FARS2: variants seen among roughly 807,000 people sequenced by gnomAD.
The protein encoded by FARS2 is phenylalanyl-tRNA synthetase 2, mitochondrial.
Under a neutral mutation model 46.4 loss-of-function variants are expected in FARS2, and 40 were observed. That is an observed-to-expected ratio of 0.86 (90% CI 0.67 to 1.12). FARS2 has a LOEUF of 1.12. Ranked by LOEUF, FARS2 falls within the 50% of genes most tolerant of loss-of-function variation. The pLI, the probability that FARS2 is intolerant of heterozygous loss-of-function variation, is 0.00. For synonymous variants in FARS2, 234 were observed against 214.9 expected (o/e 1.09, Z -0.78); for missense variants, 513 against 567.9 (o/e 0.90, Z 0.98).
chr6:5,581,520 G>A (rs1311788267), intron 5 of FARS2, among the ~76,000 whole-genome samples: 1 of 152,234 alleles, frequency 6.6e-6, no homozygotes, highest in Non-Finnish European at 1.5e-5. Context: ...TTCCAGCCAG[G>A]TGTGTGCCAG....
At position 5,672,721 on chromosome 6, in the gene FARS2, C is replaced by T. The variant is rs151198506; in HGVS notation, c.1217+59401C>T. ...ATTGTAGCTGAGTCACTGCTTGGTG[C>T]GATCTAGGGCTAGGCTGCAACTGGA... On this transcript the variant is annotated intron_variant, in intron 6 of 6. Coordinates refer to ENST00000274680, the MANE Select transcript of FARS2 (RefSeq NM_006567.5). Among the ~76,000 whole-genome samples the T allele has an allele frequency of 4.9e-4, 74 of 152,250 alleles. 1 individual carries two copies. The highest frequency in any genetic ancestry group is 3.4e-3 in the Middle Eastern group (1 of 294).
At chr6:5,535,913 A>T (rs974314148) in intron 4 of FARS2, among the ~76,000 whole-genome samples, 1 of 152,084 alleles carries the variant, frequency 6.6e-6, no homozygotes, top group African/African-American at 2.4e-5. Flanking sequence ...GATCCTTTTA[A>T]TGTGCTACTA....
intron 4 of FARS2, among the ~76,000 whole-genome samples, chr6:5,526,702 C>T (rs1769484629): frequency 6.6e-6 from 1 of 152,030 alleles, no homozygotes; most frequent in African/African-American, 2.4e-5. Flanking sequence ...CTGCAACCTC[C>T]ACCTCCTAGG....
intron 4 of FARS2, among the ~76,000 whole-genome samples, chr6:5,437,551 G>T (rs1282423252): frequency 6.6e-6 from 1 of 152,058 alleles, no homozygotes; most frequent in African/African-American, 2.4e-5. Context: ...TATTTTCATA[G>T]TAGTTATGTT....
In FARS2 at chr6:5,368,542, C is replaced by T; in HGVS notation, c.-21-8C>T. ...CTGACTTGTGCTTTGCCTGTGTGCT[C>T]TTTCCAGAACCTGTGAGAAGTTTCT... is the stretch of plus-strand genomic sequence containing the variant. On this transcript the variant is annotated splice_region_variant and splice_polypyrimidine_tract_variant and intron_variant, in intron 1 of 6. Transcript: ENST00000274680. 1 of 1,575,978 alleles carries T rather than the reference C, an allele frequency of 6.3e-7. No individual in the cohort carries two copies. The highest frequency in any genetic ancestry group is 1.3e-5 in the African/African-American group (1 of 74,246).
At chr6:5,717,931 T>TAGAGAGAGAGAG (rs1175182131) in intron 6 of FARS2, among the ~76,000 whole-genome samples, 2 of 118,544 alleles carry the variant, frequency 1.7e-5, no homozygotes, top group Non-Finnish European at 3.3e-5. Flanking sequence ...TATATATATA[T>TAGAGAGAGAGAG]ATATACAGAG....
At chr6:5,698,867 G>C (rs9405861) in intron 6 of FARS2, among the ~76,000 whole-genome samples, 60,223 of 152,038 alleles carry the variant, frequency 0.4, 13,858 homozygotes, top group Non-Finnish European at 0.52. Context: ...CTCACACACA[G>C]AGCTGGTCTG....
At position 5,339,091 on chromosome 6, in the gene FARS2, G is replaced by GA. The variant is rs201078952; in HGVS notation, c.-21-29453dup. On this transcript the variant is annotated intron_variant, in intron 1 of 6. Transcript: ENST00000274680. ...CATTAAAAATACACCAAAAGGATCA[G>GA]AAAAAATGCAAGATGATAAAAATAC... is the stretch of plus-strand genomic sequence containing the variant. Among the ~76,000 whole-genome samples, 1,318 of 152,200 alleles carry GA rather than the reference G, an allele frequency of 8.7e-3. 23 individuals carry two copies. Among genetic ancestry groups the GA allele is most frequent in the African/African-American group, 0.03 (1,229 of 41,518 alleles).
At chr6:5,476,276 C>G (rs1458232050) in intron 4 of FARS2, among the ~76,000 whole-genome samples, 1 of 152,170 alleles carries the variant, frequency 6.6e-6, no homozygotes, top group East Asian at 1.9e-4. Context: ...TCTCAAGTCC[C>G]TTTGAGTCGT....
At chr6:5,302,186 G>A (rs1231511264) in intron 1 of FARS2, among the ~76,000 whole-genome samples, 1 of 152,142 alleles carries the variant, frequency 6.6e-6, no homozygotes, top group African/African-American at 2.4e-5. Flanking sequence ...AATCTCAGGC[G>A]CCATCCAAAC....
At chr6:5,572,794 C>T (rs1357910456) in intron 5 of FARS2, among the ~76,000 whole-genome samples, 1 of 152,040 alleles carries the variant, frequency 6.6e-6, no homozygotes, top group Admixed American at 6.6e-5. Flanking sequence ...TTTTAAAATG[C>T]TCCCAGTGAT....
At chr6:5,432,340 ATATATATATAT>A (rs1406741815) in intron 4 of FARS2, among the ~76,000 whole-genome samples, 70 of 33,136 alleles carry the variant, frequency 2.1e-3, no homozygotes, top group Admixed American at 9.1e-3. Context: ...ATATATATAT[ATATATATATAT>A]TATATATATA....
intron 6 of FARS2, among the ~76,000 whole-genome samples, chr6:5,686,960 G>A (rs1757278964): frequency 6.6e-6 from 1 of 152,228 alleles, no homozygotes; most frequent in African/African-American, 2.4e-5. Context: ...CAGTGATGAT[G>A]AGCATTTTTT....
At chr6:5,546,949 T>C (rs1198234834) in intron 5 of FARS2, among the ~76,000 whole-genome samples, 1 of 151,938 alleles carries the variant, frequency 6.6e-6, no homozygotes, top group East Asian at 1.9e-4. Flanking sequence ...TTTATTTTAT[T>C]TTATTTTATT....
intron 4 of FARS2, among the ~76,000 whole-genome samples, chr6:5,434,948 G>A (rs972069442): frequency 6.6e-6 from 1 of 152,202 alleles, no homozygotes; most frequent in African/African-American, 2.4e-5. Context: ...GCAGACATCA[G>A]TTGAGCCCTT....
At chr6:5,362,359 G>T (rs1326484810) in intron 1 of FARS2, among the ~76,000 whole-genome samples, 2 of 152,196 alleles carry the variant, frequency 1.3e-5, no homozygotes, top group African/African-American at 4.8e-5. Context: ...GTAAGATTCA[G>T]AGAGAGAGCG....
At chr6:5,641,893 TG>T (rs1373580868) in intron 6 of FARS2, among the ~76,000 whole-genome samples, 1 of 152,186 alleles carries the variant, frequency 6.6e-6, no homozygotes, top group Non-Finnish European at 1.5e-5. Flanking sequence ...TCATCCTTGG[TG>T]GTCACCGTAC....
intron 1 of FARS2, among the ~76,000 whole-genome samples, chr6:5,319,776 C>T (rs797135): frequency 0.16 from 23,798 of 152,076 alleles, 2,708 homozygotes; most frequent in African/African-American, 0.32. Flanking sequence ...GGGAAGCTTT[C>T]TGTTACCTGA....
chr6:5,620,607 C>T (rs1422464025), intron 6 of FARS2, among the ~76,000 whole-genome samples: 1 of 152,212 alleles, frequency 6.6e-6, no homozygotes, highest in Non-Finnish European at 1.5e-5. Flanking sequence ...CTGTCTCTCC[C>T]CACCTTCCCA....
Sources: allele counts gnomAD v4.1 joint callset (sites outside exome capture counted in the v4.1 genomes callset), GRCh38; gene constraint gnomAD v4.1.1; transcripts MANE v1.5; gene names NCBI Gene and HGNC (gene_info 2026-07-23, HGNC 2026-07-21).